ZNF536: variants seen among roughly 807,000 people sequenced by gnomAD.
ZNF536 encodes zinc finger protein 536.
A neutral mutation model predicts 84.5 loss-of-function variants in ZNF536; 13 were observed. The ratio of observed to expected loss-of-function variants is 0.15; its 90% CI spans 0.10 to 0.24. The LOEUF (loss-of-function observed/expected upper bound fraction) is 0.24. Ranked by LOEUF, ZNF536 falls within the 10% of genes least tolerant of loss-of-function variation. ZNF536 has a pLI of 1.00. For missense variants in ZNF536, 1,536 were observed against 1,747.5 expected (o/e 0.88, Z 2.16); for synonymous variants, 811 against 742.5 (o/e 1.09, Z -1.50).
intron 1 of ZNF536, among the ~76,000 whole-genome samples, chr19:30,603,761 T>A (rs2146957494): frequency 6.6e-6 from 1 of 152,310 alleles, no homozygotes; most frequent in Admixed American, 6.5e-5. Flanking sequence ...AAGCATCAAC[T>A]TTGTTTCTAG....
At chr19:30,667,054 C>T (rs150905451) in intron 1 of ZNF536, among the ~76,000 whole-genome samples, 141 of 152,150 alleles carry the variant, frequency 9.3e-4, no homozygotes, top group African/African-American at 3.3e-3. Context: ...TAAGCTCTTG[C>T]CCTACCCAAT....
chr19:30,288,563 A>T (rs2045727407), intron 2 of ZNF536, among the ~76,000 whole-genome samples: 1 of 152,210 alleles, frequency 6.6e-6, no homozygotes, highest in South Asian at 2.1e-4. Flanking sequence ...GAATGTACTG[A>T]AGAAAAAAGA....
intron 1 of ZNF536, among the ~76,000 whole-genome samples, chr19:30,640,107 C>T (rs1003924057): frequency 6.6e-6 from 1 of 151,992 alleles, no homozygotes; most frequent in African/African-American, 2.4e-5. Flanking sequence ...ATTAGCTGGG[C>T]GTGGTGGCAC....
intron 2 of ZNF536, among the ~76,000 whole-genome samples, chr19:30,297,323 G>T (rs2145880567): frequency 6.6e-6 from 1 of 152,220 alleles, no homozygotes; most frequent in Non-Finnish European, 1.5e-5. Flanking sequence ...GCCTGGAAAT[G>T]GTACGTGGGG....
chr19:30,549,913 C>T (rs944426838), intron 4 of ZNF536, among the ~76,000 whole-genome samples: 2 of 152,200 alleles, frequency 1.3e-5, no homozygotes, highest in African/African-American at 4.8e-5. Context: ...TGCCTAAAGA[C>T]AATTCCTTAC....
chr19:30,335,452 T>G (rs1230234886), intron 2 of ZNF536, among the ~76,000 whole-genome samples: 1 of 152,104 alleles, frequency 6.6e-6, no homozygotes, highest in African/African-American at 2.4e-5. Context: ...CCACGTGGTC[T>G]GTGTGTTTTG....
intron 1 of ZNF536, among the ~76,000 whole-genome samples, chr19:30,606,465 C>A (rs1039773212): frequency 2.0e-5 from 3 of 152,016 alleles, no homozygotes; most frequent in African/African-American, 7.2e-5. Context: ...GGGGGTTTCC[C>A]AGATGGAGTG....
intron 1 of ZNF536, among the ~76,000 whole-genome samples, chr19:30,656,335 C>T (rs984436325): frequency 6.6e-6 from 1 of 152,104 alleles, no homozygotes; most frequent in Admixed American, 6.5e-5. Flanking sequence ...ATGGCAGTGC[C>T]GGACCATTTT....
rs181369578 is a variant in ZNF536 at position 30,251,196 on chromosome 19, G to T, written c.-190+22523G>T. 4.7e-3 allele frequency among the ~76,000 whole-genome samples: 722 copies of T among 152,274 alleles called. 2 individuals carry two copies. Among genetic ancestry groups the T allele is most frequent in the Non-Finnish European group, 6.7e-3 (456 of 68,032 alleles). ...TTGAGTGTCTGGGTTCCAGATAGGC[G>T]TGGTTCTACATAAGACTGTGTGTCT... On this transcript the variant is annotated intron_variant, in intron 1 of 5. Coordinates refer to the ZNF536 transcript ENST00000585628.
chr19:30,497,908 C>T (rs1458819070), intron 2 of ZNF536, among the ~76,000 whole-genome samples: 1 of 152,154 alleles, frequency 6.6e-6, no homozygotes, highest in African/African-American at 2.4e-5. Context: ...CAGCCCTGTC[C>T]CCATCAGCCA....
chr19:30,631,283 G>A (rs570006631), intron 1 of ZNF536, among the ~76,000 whole-genome samples: 3 of 152,180 alleles, frequency 2.0e-5, no homozygotes, highest in Non-Finnish European at 2.9e-5. Flanking sequence ...CTTTTGTTAC[G>A]CAGCCAGGCT....
intron 1 of ZNF536, among the ~76,000 whole-genome samples, chr19:30,277,790 A>C (rs2045291380): frequency 6.6e-6 from 1 of 152,238 alleles, no homozygotes; most frequent in Non-Finnish European, 1.5e-5. Flanking sequence ...CCAAGTTTCT[A>C]GTGCTTGTCC....
intron 2 of ZNF536, among the ~76,000 whole-genome samples, chr19:30,348,968 G>A (rs979269408): frequency 6.6e-6 from 1 of 152,082 alleles, no homozygotes; most frequent in Admixed American, 6.5e-5. Flanking sequence ...CCTGGCAATC[G>A]TAATAATCTT....
chr19:30,568,868 A>G (rs368610231), intron 1 of ZNF536, among the ~76,000 whole-genome samples: 1 of 152,344 alleles, frequency 6.6e-6, no homozygotes, highest in African/African-American at 2.4e-5. Context: ...AGCAGGTCAC[A>G]GGACCATGGT....
At chr19:30,343,949 T>C (rs2047646316) in intron 2 of ZNF536, among the ~76,000 whole-genome samples, 1 of 152,008 alleles carries the variant, frequency 6.6e-6, no homozygotes, top group Admixed American at 6.6e-5. Context: ...CTTATTTCAG[T>C]CCTTTTTAAG....
chr19:30,574,836 GT>G (rs2046673827), intron 1 of ZNF536, among the ~76,000 whole-genome samples: 1 of 152,162 alleles, frequency 6.6e-6, no homozygotes, highest in African/African-American at 2.4e-5. Flanking sequence ...TAATCAATGA[GT>G]TTTTCCCTCC....
At chr19:30,703,139 G>C (rs1167793765) in intron 1 of ZNF536, among the ~76,000 whole-genome samples, 2 of 152,160 alleles carry the variant, frequency 1.3e-5, no homozygotes, top group Non-Finnish European at 2.9e-5. Context: ...ATGAAGTAGG[G>C]GCAGGCAGAG....
chr19:30,226,570 C>G (rs2022625187), upstream of ZNF536, among the ~76,000 whole-genome samples: 1 of 152,076 alleles, frequency 6.6e-6, no homozygotes, highest in African/African-American at 2.4e-5. This position sits in a 1 kb window ranked among gnomAD's most constrained non-coding sequence, Gnocchi z 4.6. Flanking sequence ...GGGTCCGAAC[C>G]CGCGACCCCA....
At chr19:30,362,992 G>A (rs1348552290) in intron 3 of ZNF536, among the ~76,000 whole-genome samples, 1 of 152,088 alleles carries the variant, frequency 6.6e-6, no homozygotes, top group Non-Finnish European at 1.5e-5. Context: ...CCGGGAGGCA[G>A]AGGTTCCAGT....
Sources: allele counts gnomAD v4.1 joint callset (sites outside exome capture counted in the v4.1 genomes callset), GRCh38; gene constraint gnomAD v4.1.1; non-coding constraint Gnocchi (gnomAD v3.1); transcripts MANE v1.5; gene names NCBI Gene and HGNC (gene_info 2026-07-23, HGNC 2026-07-21).